The following TTC29 variants were observed in gnomAD, a reference collection of about 807,000 sequenced individuals.
TTC29 encodes the protein tetratricopeptide repeat domain 29.
Under a neutral mutation model 58.1 loss-of-function variants are expected in TTC29, and 49 were observed. That is an observed-to-expected ratio of 0.84 (90% CI 0.67 to 1.07). The LOEUF (loss-of-function observed/expected upper bound fraction) is 1.07, where lower values mean the gene tolerates loss of function less well. Ranked by LOEUF, TTC29 falls within the 50% of genes least tolerant of loss-of-function variation. The pLI, the probability that TTC29 is intolerant of heterozygous loss-of-function variation, is 0.00. For synonymous variants in TTC29, 209 were observed against 196.8 expected (o/e 1.06, Z -0.52); for missense variants, 582 against 555.6 (o/e 1.05, Z -0.48).
intron 11 of TTC29, among the ~76,000 whole-genome samples, chr4:146,708,330 A>G (rs1240665371): frequency 1.6e-5 from 1 of 64,026 alleles, no homozygotes; most frequent in African/African-American, 4.5e-5. Flanking sequence ...ATATATATAT[A>G]TATATATATA....
chr4:146,730,755 A>G (rs1744273429), intron 11 of TTC29, among the ~76,000 whole-genome samples: 1 of 152,184 alleles, frequency 6.6e-6, no homozygotes, highest in African/African-American at 2.4e-5. Context: ...GTGTTTGGCG[A>G]TGCGAAAGCC....
At chr4:146,727,958 T>C (rs1410908054) in intron 11 of TTC29, among the ~76,000 whole-genome samples, 1 of 152,130 alleles carries the variant, frequency 6.6e-6, no homozygotes, top group East Asian at 1.9e-4. Flanking sequence ...TTTTAGTACA[T>C]ACGGAGTTGC....
chr4:146,787,464 C>T (rs986988394), intron 11 of TTC29, among the ~76,000 whole-genome samples: 16 of 152,128 alleles, frequency 1.1e-4, no homozygotes, highest in African/African-American at 3.6e-4. Flanking sequence ...GTTGTTCCCT[C>T]CAAAGTGGGA....
Position 146,860,045 on chromosome 4 carries a change from A to G in TTC29, c.885+7453T>C, listed in dbSNP as rs80125098. Among the ~76,000 whole-genome samples the G allele has an allele frequency of 1.8e-3, 276 of 152,278 alleles. 2 individuals carry two copies. The highest frequency in any genetic ancestry group is 6.4e-3 in the African/African-American group (265 of 41,586). On this transcript the variant is annotated intron_variant, in intron 8 of 12. Coordinates refer to ENST00000325106, the MANE Select transcript of TTC29 (RefSeq NM_031956.4). ...TGTCTTCACTTATTAAAGTGACCAA[A>G]GAAGAGATTAGTTTTCGGTTTGTCA...
At chr4:146,781,112 T>C (rs1748562767) in intron 11 of TTC29, among the ~76,000 whole-genome samples, 1 of 151,984 alleles carries the variant, frequency 6.6e-6, no homozygotes, top group Admixed American at 6.6e-5. Flanking sequence ...TGCTTTGTTA[T>C]AAAAATACAT....
chr4:146,778,342 A>G (rs917226325), intron 11 of TTC29, among the ~76,000 whole-genome samples: 3 of 152,138 alleles, frequency 2.0e-5, no homozygotes, highest in African/African-American at 7.2e-5. Flanking sequence ...TAGTACTAAG[A>G]ATTATCTAAC....
intron 10 of TTC29, among the ~76,000 whole-genome samples, chr4:146,811,572 A>G (rs1237958286): frequency 6.6e-6 from 1 of 152,200 alleles, no homozygotes; most frequent in Non-Finnish European, 1.5e-5. Context: ...ACTCTTTTGA[A>G]CAGAAACCCT....
At position 146,928,527 on chromosome 4, in the gene TTC29, C is replaced by G. The variant is rs536843789; in HGVS notation, c.176+9067G>C. On this transcript the variant is annotated intron_variant, in intron 4 of 12. Coordinates refer to ENST00000325106, the MANE Select transcript of TTC29 (RefSeq NM_031956.4). ...ATGCACAGGCTGGGATGAGACTGGCCTTAATTAAAAAGTATTTCTTGAGTG... is the reference window on the plus strand; with the variant it reads ...ATGCACAGGCTGGGATGAGACTGGCGTTAATTAAAAAGTATTTCTTGAGTG... 2.0e-5 allele frequency among the ~76,000 whole-genome samples: 3 copies of G among 152,168 alleles called. No individual in the cohort carries two copies. The South Asian group carries it at 6.2e-4, about 32-fold the overall frequency.
intron 6 of TTC29, among the ~76,000 whole-genome samples, chr4:146,888,286 A>T (rs1193139548): frequency 6.6e-6 from 1 of 152,198 alleles, no homozygotes; most frequent in East Asian, 1.9e-4. Context: ...GATTACCAAG[A>T]TAAAATGTCA....
intron 6 of TTC29, among the ~76,000 whole-genome samples, chr4:146,876,035 T>C (rs1259468170): frequency 6.6e-6 from 1 of 152,184 alleles, no homozygotes; most frequent in Non-Finnish European, 1.5e-5. Flanking sequence ...ACTCCAACCA[T>C]AGTGGTTAAG....
chr4:146,770,361 T>C (rs1027022025), intron 11 of TTC29, among the ~76,000 whole-genome samples: 18 of 151,874 alleles, frequency 1.2e-4, no homozygotes, highest in African/African-American at 4.1e-4. Context: ...GGAACCACAC[T>C]TAGTAGTAGG....
chr4:146,930,127 A>T (rs1296330893), intron 4 of TTC29, among the ~76,000 whole-genome samples: 1 of 144,644 alleles, frequency 6.9e-6, no homozygotes, highest in African/African-American at 2.5e-5. Flanking sequence ...ATACACACAT[A>T]TATATCTTGA....
intron 11 of TTC29, among the ~76,000 whole-genome samples, chr4:146,793,585 T>C (rs1749624481): frequency 6.6e-6 from 1 of 152,166 alleles, no homozygotes; most frequent in Non-Finnish European, 1.5e-5. Context: ...ACTCGCTTTA[T>C]TGCAATGATC....
At chr4:146,795,487 C>A (rs1749773529) in intron 11 of TTC29, among the ~76,000 whole-genome samples, 1 of 152,086 alleles carries the variant, frequency 6.6e-6, no homozygotes, top group South Asian at 2.1e-4. Context: ...CGATATTTGT[C>A]ATGAAAAGCA....
chr4:146,847,535 A>G (rs550479855), intron 8 of TTC29, among the ~76,000 whole-genome samples: 18 of 152,296 alleles, frequency 1.2e-4, no homozygotes, highest in African/African-American at 3.8e-4. Flanking sequence ...GAGCAGTGAC[A>G]GGCAGGAGCC....
At chr4:146,742,382 G>A (rs1348100432) in intron 11 of TTC29, among the ~76,000 whole-genome samples, 3 of 152,080 alleles carry the variant, frequency 2.0e-5, no homozygotes, top group African/African-American at 7.2e-5. Flanking sequence ...AACTCTAGAG[G>A]GACAGGTGAG....
chr4:146,866,210 C>T (rs541714466), intron 8 of TTC29, among the ~76,000 whole-genome samples: 2 of 152,276 alleles, frequency 1.3e-5, no homozygotes, highest in South Asian at 4.1e-4. Flanking sequence ...GCTTGCATTA[C>T]TTGAGAGAGA....
intron 4 of TTC29, among the ~76,000 whole-genome samples, chr4:146,929,348 G>T (rs1012157769): frequency 1.3e-5 from 2 of 151,780 alleles, no homozygotes; most frequent in Admixed American, 6.6e-5. Flanking sequence ...GCCCAGTCAT[G>T]CCTTGCCCTT....
intron 6 of TTC29, among the ~76,000 whole-genome samples, chr4:146,888,855 C>A (rs377101702): frequency 6.6e-6 from 1 of 152,048 alleles, no homozygotes; most frequent in African/African-American, 2.4e-5. Flanking sequence ...GAGCAGACAG[C>A]GTCTGCTCCA....
Sources: gnomAD v4.1 joint callset for allele counts (sites outside exome capture counted in the v4.1 genomes callset) on GRCh38, gnomAD v4.1.1 for gene constraint, MANE v1.5 for transcripts, NCBI Gene and HGNC (gene_info 2026-07-23, HGNC 2026-07-21) for gene names.